KCNH5: variants seen among roughly 807,000 people sequenced by gnomAD.
The protein encoded by KCNH5 is potassium voltage-gated channel subfamily H member 5, also known as voltage-gated delayed rectifier potassium channel KCNH5.
KCNH5 carries 46 observed loss-of-function variants against 96.1 expected under a neutral mutation model. The ratio of observed to expected loss-of-function variants is 0.48; its 90% CI spans 0.38 to 0.61. The LOEUF (loss-of-function observed/expected upper bound fraction) is 0.61, where lower values mean the gene tolerates loss of function less well. Among genes scored for constraint, KCNH5 ranks in the 20% least tolerant of loss-of-function variants. KCNH5 has a pLI of 0.00. For synonymous variants in KCNH5, 439 were observed against 449.8 expected, an observed-to-expected ratio of 0.98 and a Z score of 0.30; for missense variants, 907 against 1,225.8, an observed-to-expected ratio of 0.74 and a Z score of 3.88.
intron 10 of KCNH5, among the ~76,000 whole-genome samples, chr14:62,779,286 G>A (rs1307355456): frequency 1.3e-5 from 2 of 152,202 alleles, no homozygotes; most frequent in Non-Finnish European, 2.9e-5. Flanking sequence ...CTTTGAAAGA[G>A]TAAACTTTGT....
intron 7 of KCNH5, among the ~76,000 whole-genome samples, chr14:62,856,436 T>G (rs1887931343): frequency 6.6e-6 from 1 of 152,232 alleles, no homozygotes; most frequent in South Asian, 2.1e-4. Flanking sequence ...TGATAATGCA[T>G]TGGCAGTAAC....
chr14:62,899,759 G>A (rs937564201), intron 7 of KCNH5, among the ~76,000 whole-genome samples: 12 of 150,908 alleles, frequency 8.0e-5, no homozygotes, highest in Admixed American at 6.6e-4. Context: ...GCGTGAACCC[G>A]GGAGGCGGAG....
chr14:62,890,799 A>G (rs1031441289), intron 7 of KCNH5, among the ~76,000 whole-genome samples: 1 of 152,220 alleles, frequency 6.6e-6, no homozygotes, highest in Admixed American at 6.5e-5. Flanking sequence ...AAAACTCAGT[A>G]TCACTGATCA....
intron 8 of KCNH5, among the ~76,000 whole-genome samples, chr14:62,818,109 CGGG>C (rs561437417): frequency 1.7e-4 from 6 of 36,130 alleles, no homozygotes; most frequent in African/African-American, 5.2e-4. Flanking sequence ...GAGCTGGGGG[CGGG>C]GGGGGGGTGG....
chr14:62,864,241 T>C (rs1334196087), intron 7 of KCNH5, among the ~76,000 whole-genome samples: 1 of 152,194 alleles, frequency 6.6e-6, no homozygotes, highest in Non-Finnish European at 1.5e-5. Flanking sequence ...TAACCCTGAA[T>C]AATTTTTAGA....
intron 4 of KCNH5, among the ~76,000 whole-genome samples, chr14:62,994,197 T>C (rs1317490899): frequency 6.6e-6 from 1 of 152,112 alleles, no homozygotes; most frequent in Non-Finnish European, 1.5e-5. Context: ...TTTCATCTGT[T>C]GTTTCCTCTC....
intron 7 of KCNH5, among the ~76,000 whole-genome samples, chr14:62,886,882 T>C (rs1046696325): frequency 1.3e-5 from 2 of 152,200 alleles, no homozygotes; most frequent in African/African-American, 4.8e-5. Flanking sequence ...TATCATTTAA[T>C]AATAGAATAT....
intron 6 of KCNH5, among the ~76,000 whole-genome samples, chr14:62,951,840 A>G (rs1890011619): frequency 6.6e-6 from 1 of 151,770 alleles, no homozygotes; most frequent in Non-Finnish European, 1.5e-5. Context: ...GTGGGTGCCT[A>G]TAATCCCAGC....
At chr14:62,904,096 G>A (rs1189129715) in intron 7 of KCNH5, among the ~76,000 whole-genome samples, 1 of 152,106 alleles carries the variant, frequency 6.6e-6, no homozygotes, top group Non-Finnish European at 1.5e-5. Context: ...TGATGCATTT[G>A]TCACAAATGC....
intron 10 of KCNH5, among the ~76,000 whole-genome samples, chr14:62,771,198 C>T (rs867134760): frequency 9.9e-5 from 15 of 152,116 alleles, no homozygotes; most frequent in Admixed American, 9.8e-4. Flanking sequence ...AATAAATTTC[C>T]GTTGTTGAAA....
chr14:62,896,185 A>G (rs1267179994), intron 7 of KCNH5, among the ~76,000 whole-genome samples: 2 of 152,324 alleles, frequency 1.3e-5, no homozygotes, highest in Non-Finnish European at 2.9e-5. Flanking sequence ...AATAGTCATC[A>G]GTAGCTCCAA....
At chr14:62,928,371 G>A (rs1889515343) in intron 7 of KCNH5, among the ~76,000 whole-genome samples, 1 of 152,024 alleles carries the variant, frequency 6.6e-6, no homozygotes, top group African/African-American at 2.4e-5. Context: ...TTAGTTGCAG[G>A]ACCTTACCAA....
At chr14:62,861,721 T>C (rs1398050924) in intron 7 of KCNH5, among the ~76,000 whole-genome samples, 1 of 151,876 alleles carries the variant, frequency 6.6e-6, no homozygotes, top group Non-Finnish European at 1.5e-5. Context: ...GCATGAGATG[T>C]ATCTTTCAGG....
At chr14:62,888,525 A>C (rs1423556362) in intron 7 of KCNH5, among the ~76,000 whole-genome samples, 1 of 152,184 alleles carries the variant, frequency 6.6e-6, no homozygotes, top group African/African-American at 2.4e-5. Flanking sequence ...TCCATTCAGC[A>C]ATAAGATCTA....
intron 8 of KCNH5, among the ~76,000 whole-genome samples, chr14:62,805,904 C>T (rs568034189): frequency 6.6e-6 from 1 of 152,138 alleles, no homozygotes; most frequent in Non-Finnish European, 1.5e-5. Flanking sequence ...CAGAACAACT[C>T]CATCTTGAAT....
At chr14:62,777,510 C>T (rs557200852) in intron 10 of KCNH5, among the ~76,000 whole-genome samples, 2 of 152,176 alleles carry the variant, frequency 1.3e-5, no homozygotes, top group African/African-American at 2.4e-5. Context: ...AATATTTTCT[C>T]ACCACTTATC....
chr14:62,920,550 C>G (rs1223659623), intron 7 of KCNH5, among the ~76,000 whole-genome samples: 1 of 151,878 alleles, frequency 6.6e-6, no homozygotes, highest in Non-Finnish European at 1.5e-5. Flanking sequence ...CCCTGAGTTC[C>G]AAGATAATCC....
intron 7 of KCNH5, among the ~76,000 whole-genome samples, chr14:62,876,655 C>A (rs1888378764): frequency 6.6e-6 from 1 of 152,092 alleles, no homozygotes; most frequent in African/African-American, 2.4e-5. Context: ...AAATCCTGGA[C>A]AATAAAATCC....
chr14:62,784,862 G>A (rs753098242), intron 9 of KCNH5, among the ~76,000 whole-genome samples: 1 of 151,720 alleles, frequency 6.6e-6, no homozygotes, highest in East Asian at 1.9e-4. Flanking sequence ...TCGTATCATG[G>A]GGAAATAAAA....
Sources: allele counts gnomAD v4.1 joint callset (sites outside exome capture counted in the v4.1 genomes callset), GRCh38; gene constraint gnomAD v4.1.1; transcripts MANE v1.5; gene names NCBI Gene and HGNC (gene_info 2026-07-23, HGNC 2026-07-21).